GPC5: variants seen among roughly 807,000 people sequenced by gnomAD.
GPC5 encodes the protein glypican-5.
Under a neutral mutation model 53.9 loss-of-function variants are expected in GPC5, and 47 were observed. The ratio of observed to expected loss-of-function variants is 0.87; its 90% CI spans 0.69 to 1.11. GPC5 has a LOEUF of 1.11. Ranked by LOEUF, GPC5 falls within the 50% of genes most tolerant of loss-of-function variation. The pLI, the probability that GPC5 is intolerant of heterozygous loss-of-function variation, is 0.00. For missense variants in GPC5, 748 were observed against 713.1 expected (o/e 1.05, Z -0.56); for synonymous variants, 286 against 263.3 (o/e 1.09, Z -0.84).
intron 7 of GPC5, among the ~76,000 whole-genome samples, chr13:92,255,681 C>T (rs1293430847): frequency 6.6e-6 from 1 of 152,060 alleles, no homozygotes; most frequent in Non-Finnish European, 1.5e-5. Context: ...CATTAGATCT[C>T]TTAGTAGATT....
At chr13:92,489,074 A>G (rs533378399) in intron 7 of GPC5, among the ~76,000 whole-genome samples, 1 of 152,328 alleles carries the variant, frequency 6.6e-6, no homozygotes, top group East Asian at 1.9e-4. Flanking sequence ...ATAATAATTT[A>G]ATCAAGCTCT....
At chr13:92,411,016 C>T (rs2139349125) in intron 7 of GPC5, among the ~76,000 whole-genome samples, 1 of 152,306 alleles carries the variant, frequency 6.6e-6, no homozygotes, top group East Asian at 1.9e-4. Context: ...AGGTGGATCA[C>T]TTGAGGTCAG....
At chr13:91,857,743 T>A (rs1302937421) in intron 5 of GPC5, among the ~76,000 whole-genome samples, 1 of 151,380 alleles carries the variant, frequency 6.6e-6, no homozygotes, top group African/African-American at 2.4e-5. Context: ...AAGTATGACA[T>A]TTGATGTATG....
chr13:91,596,123 C>T (rs72641466), intron 2 of GPC5, among the ~76,000 whole-genome samples: 9,360 of 152,060 alleles, frequency 0.062, 359 homozygotes, highest in Non-Finnish European at 0.087. Flanking sequence ...TTGATAATAT[C>T]CTTTCTTCTG....
chr13:91,476,083 A>G (rs548714118), intron 2 of GPC5, among the ~76,000 whole-genome samples: 15 of 152,310 alleles, frequency 9.8e-5, no homozygotes, highest in African/African-American at 3.6e-4. Context: ...CTTTTTCAAC[A>G]TGGCACTATT....
intron 2 of GPC5, among the ~76,000 whole-genome samples, chr13:91,669,542 T>C (rs1021585032): frequency 5.9e-5 from 9 of 152,000 alleles, no homozygotes; most frequent in African/African-American, 2.2e-4. Context: ...AATCTCATTA[T>C]GTCAACTACA....
intron 7 of GPC5, among the ~76,000 whole-genome samples, chr13:92,439,121 A>C (rs1460240898): frequency 6.6e-6 from 1 of 152,150 alleles, no homozygotes; most frequent in Non-Finnish European, 1.5e-5. Context: ...CTAAGAAGAG[A>C]AGACAATCTA....
intron 7 of GPC5, among the ~76,000 whole-genome samples, chr13:92,861,172 T>G (rs1405037964): frequency 6.6e-6 from 1 of 152,136 alleles, no homozygotes; most frequent in East Asian, 1.9e-4. Context: ...GCACCTTAAT[T>G]TTCTTAACCC....
intron 6 of GPC5, among the ~76,000 whole-genome samples, chr13:92,042,240 G>T (rs577402413): frequency 6.6e-6 from 1 of 152,214 alleles, no homozygotes. Flanking sequence ...ATAGGTTTTT[G>T]GCTACAAGCT....
chr13:91,774,645 TC>T (rs1413558965), intron 5 of GPC5, among the ~76,000 whole-genome samples: 2 of 152,098 alleles, frequency 1.3e-5, no homozygotes, highest in Non-Finnish European at 2.9e-5. Flanking sequence ...GACAGTGCCT[TC>T]TTAACAGAAT....
chr13:92,476,141 T>C (rs1376607778), intron 7 of GPC5, among the ~76,000 whole-genome samples: 1 of 151,990 alleles, frequency 6.6e-6, no homozygotes, highest in African/African-American at 2.4e-5. Flanking sequence ...TGCAACCTAC[T>C]CATCTGACAA....
intron 3 of GPC5, among the ~76,000 whole-genome samples, chr13:91,699,256 T>TTCTGAAATAA (rs1207727831): frequency 1.3e-4 from 20 of 152,200 alleles, no homozygotes; most frequent in African/African-American, 4.1e-4. Context: ...AAGATATTGT[T>TTCTGAAATAA]TCTGAAATAA....
In GPC5 at chr13:92,815,840, A is replaced by G. The variant is rs183784317; in HGVS notation, c.1562-50442A>G. On this transcript the variant is annotated intron_variant, in intron 7 of 7. Coordinates refer to ENST00000377067, the MANE Select transcript of GPC5 (RefSeq NM_004466.6). Reference sequence around the variant, plus strand: ...CTTCAAGGCTTGGAACCGAGTCACTATTGAGTTGAGCTGCCATTTTCTGAA... The same window carrying G: ...CTTCAAGGCTTGGAACCGAGTCACTGTTGAGTTGAGCTGCCATTTTCTGAA... 1.6e-4 allele frequency among the ~76,000 whole-genome samples: 24 copies of G among 152,072 alleles called. 2 individuals carry two copies. Among genetic ancestry groups the G allele is most frequent in the African/African-American group, 5.6e-4 (23 of 41,370 alleles).
chr13:92,788,559 CT>C (rs1373194344), intron 7 of GPC5, among the ~76,000 whole-genome samples: 1 of 152,122 alleles, frequency 6.6e-6, no homozygotes, highest in Non-Finnish European at 1.5e-5. Flanking sequence ...AAATTTGTTG[CT>C]CTAGATTTGG....
At chr13:92,169,599 T>C (rs2042055121) in intron 7 of GPC5, among the ~76,000 whole-genome samples, 2 of 152,324 alleles carry the variant, frequency 1.3e-5, no homozygotes, top group Admixed American at 6.5e-5. Context: ...ACTTTGAATT[T>C]CTTACCTTTT....
At chr13:91,745,328 C>G (rs916586720) in intron 4 of GPC5, among the ~76,000 whole-genome samples, 4 of 151,956 alleles carry the variant, frequency 2.6e-5, no homozygotes, top group Admixed American at 2.6e-4. Flanking sequence ...AGGCATCTAT[C>G]CTAATTGCAT....
chr13:92,636,693 C>T (rs187575288), intron 7 of GPC5, among the ~76,000 whole-genome samples: 26 of 152,256 alleles, frequency 1.7e-4, no homozygotes, highest in East Asian at 5.8e-4. Flanking sequence ...GTATTCCACA[C>T]GAATGGAAGG....
At chr13:92,060,044 A>G (rs2041109759) in intron 6 of GPC5, 1 of 151,900 alleles carries the variant, frequency 6.6e-6, no homozygotes. Flanking sequence ...GGAGTTTTTC[A>G]TATTTATGTT....
At chr13:92,278,505 C>T (rs905458591) in intron 7 of GPC5, among the ~76,000 whole-genome samples, 12 of 151,950 alleles carry the variant, frequency 7.9e-5, no homozygotes, top group Admixed American at 6.6e-4. Flanking sequence ...TAAAAGACAA[C>T]TTCTATAATT....
Sources: allele counts gnomAD v4.1 joint callset (sites outside exome capture counted in the v4.1 genomes callset), GRCh38; gene constraint gnomAD v4.1.1; transcripts MANE v1.5; gene names NCBI Gene and HGNC (gene_info 2026-07-23, HGNC 2026-07-21).